SEMA5A: variants seen among roughly 807,000 people sequenced by gnomAD.
SEMA5A encodes semaphorin 5A.
SEMA5A carries 55 observed loss-of-function variants against 135.5 expected under a neutral mutation model. The ratio of observed to expected loss-of-function variants is 0.41; its 90% CI spans 0.33 to 0.51. The LOEUF (loss-of-function observed/expected upper bound fraction) is 0.51, where lower values mean the gene tolerates loss of function less well. SEMA5A is among the 20% of genes least tolerant of loss of function. SEMA5A has a pLI of 0.37. For missense variants in SEMA5A, 1,290 were observed against 1,419.9 expected (o/e 0.91, Z 1.47); for synonymous variants, 580 against 546.5 (o/e 1.06, Z -0.85).
intron 5 of SEMA5A, among the ~76,000 whole-genome samples, chr5:9,267,767 G>T (rs1422170812): frequency 1.3e-5 from 2 of 152,084 alleles, no homozygotes; most frequent in African/African-American, 4.8e-5. Context: ...CTCTGGCCGG[G>T]GTGGGCATGG....
At chr5:9,348,062 A>G (rs1284315421) in intron 3 of SEMA5A, among the ~76,000 whole-genome samples, 1 of 152,082 alleles carries the variant, frequency 6.6e-6, no homozygotes, top group East Asian at 1.9e-4. Context: ...GGGTCTGGCT[A>G]CTCCAGCCCA....
At chr5:9,126,398 G>A (rs1741113301) in intron 13 of SEMA5A, among the ~76,000 whole-genome samples, 2 of 152,142 alleles carry the variant, frequency 1.3e-5, no homozygotes, top group African/African-American at 4.8e-5. Context: ...TCAGACCCTT[G>A]AGGCAGAGAG....
Position 9,269,873 on chromosome 5 carries a change from C to G in SEMA5A, c.271-31983G>C, listed in dbSNP as rs987650069. 3.3e-5 allele frequency among the ~76,000 whole-genome samples: 5 copies of G among 152,190 alleles called. No homozygotes were observed. The East Asian group carries it at 9.6e-4, about 29-fold the overall frequency. On this transcript the variant is annotated intron_variant, in intron 5 of 22. Coordinates refer to ENST00000382496, the MANE Select transcript of SEMA5A (RefSeq NM_003966.3). The stretch of plus-strand genomic sequence containing the variant: ...AATTCCGTATGACAATGAACTCCAT[C>G]CAGTCCCCTTTTTACAGCTGCACAG...
rs189638682 is a variant in SEMA5A, at chr5:9,229,133, A to C, written c.334-2166T>G. On this transcript the variant is annotated intron_variant, in intron 6 of 22. Coordinates refer to ENST00000382496, the MANE Select transcript of SEMA5A (RefSeq NM_003966.3). ...TAAAGTGAAATACCAAGGGTGGATT[A>C]TCCTCCTAACATTATTCCTAACAGT... 1.0e-2 allele frequency among the ~76,000 whole-genome samples: 1,522 copies of C among 152,328 alleles called. 14 individuals carry two copies. Among genetic ancestry groups the C allele is most frequent in the Non-Finnish European group, 0.015 (1,045 of 68,040 alleles).
chr5:9,353,317 A>T (rs11740686), intron 3 of SEMA5A, among the ~76,000 whole-genome samples: 1 of 53,470 alleles, frequency 1.9e-5, no homozygotes. Context: ...GGGAAGGGAA[A>T]GGAAGGAAAG....
At chr5:9,267,632 A>T (rs1435761067) in intron 5 of SEMA5A, among the ~76,000 whole-genome samples, 1 of 152,146 alleles carries the variant, frequency 6.6e-6, no homozygotes, top group African/African-American at 2.4e-5. Flanking sequence ...AAGGCATCTG[A>T]TTCCTCTGAC....
intron 1 of SEMA5A, among the ~76,000 whole-genome samples, chr5:9,476,943 T>C (rs551297924): frequency 3.3e-5 from 5 of 151,364 alleles, no homozygotes; most frequent in African/African-American, 7.3e-5. Flanking sequence ...TAGCCATGCA[T>C]GGTAATATGA....
chr5:9,256,310 G>A (rs111582131), intron 5 of SEMA5A, among the ~76,000 whole-genome samples: 3 of 152,044 alleles, frequency 2.0e-5, no homozygotes, highest in East Asian at 1.9e-4. Flanking sequence ...CTCTGACCCC[G>A]TGTGTCACCA....
At chr5:9,250,054 G>C (rs1479820260) in intron 5 of SEMA5A, among the ~76,000 whole-genome samples, 1 of 152,154 alleles carries the variant, frequency 6.6e-6, no homozygotes, top group East Asian at 1.9e-4. Flanking sequence ...ATATTGGCAT[G>C]GTGAGAGACA....
chr5:9,385,616 T>A (rs1755851088), intron 2 of SEMA5A, among the ~76,000 whole-genome samples: 1 of 152,068 alleles, frequency 6.6e-6, no homozygotes, highest in Admixed American at 6.6e-5. Flanking sequence ...CCTAGTGAGG[T>A]GGCCTCAGAG....
At chr5:9,484,210 G>C (rs988377314) in intron 1 of SEMA5A, among the ~76,000 whole-genome samples, 2 of 152,220 alleles carry the variant, frequency 1.3e-5, no homozygotes, top group Admixed American at 1.3e-4. Flanking sequence ...TTAGGGCAAA[G>C]TACGTGCTCT....
intron 13 of SEMA5A, among the ~76,000 whole-genome samples, chr5:9,126,445 G>C (rs1007075531): frequency 6.6e-6 from 1 of 151,918 alleles, no homozygotes; most frequent in South Asian, 2.1e-4. Context: ...GGCTCTCTGG[G>C]ACATCTGTTC....
chr5:9,143,060 C>A (rs1196135160), intron 12 of SEMA5A, among the ~76,000 whole-genome samples: 1 of 152,190 alleles, frequency 6.6e-6, no homozygotes, highest in Non-Finnish European at 1.5e-5. Context: ...ATTGGTAAAT[C>A]CAACTAGAAC....
At chr5:9,363,934 G>A (rs993699897) in intron 3 of SEMA5A, among the ~76,000 whole-genome samples, 23 of 152,222 alleles carry the variant, frequency 1.5e-4, no homozygotes, top group African/African-American at 5.3e-4. Context: ...AAGTAGGCAG[G>A]CGATGAGGCA....
Position 9,407,252 on chromosome 5 carries a change from TAAAG to T in SEMA5A, c.-77-27233_-77-27230del, listed in dbSNP as rs540182511. 3.5e-3 allele frequency among the ~76,000 whole-genome samples: 530 copies of T among 152,314 alleles called. 6 individuals are homozygous for T. The highest frequency in any genetic ancestry group is 0.012 in the African/African-American group (505 of 41,568). ...GAGTATGTAACAAGTAGACTAAACA[TAAAG>T]AGAGAATATCGTGATTTTATTTTCC... On this transcript the variant is annotated intron_variant, in intron 2 of 22. Transcript: ENST00000382496.
At chr5:9,384,661 T>TAGATAGATACATAGATAG in intron 2 of SEMA5A, among the ~76,000 whole-genome samples, 1 of 66,526 alleles carries the variant, frequency 1.5e-5, no homozygotes. Flanking sequence ...GATAGATAGA[T>TAGATAGATACATAGATAG]ATAGATAGAT....
intron 13 of SEMA5A, among the ~76,000 whole-genome samples, chr5:9,126,869 G>C (rs1741143890): frequency 6.6e-6 from 1 of 152,168 alleles, no homozygotes; most frequent in Non-Finnish European, 1.5e-5. Flanking sequence ...CTATAGGGGT[G>C]AGTTAGAGAA....
intron 1 of SEMA5A, among the ~76,000 whole-genome samples, chr5:9,454,543 C>T (rs1758760760): frequency 6.6e-6 from 1 of 152,220 alleles, no homozygotes; most frequent in African/African-American, 2.4e-5. Context: ...ACAGCCAGTG[C>T]TGTTTTTTTC....
chr5:9,468,440 A>G (rs938170925), intron 1 of SEMA5A, among the ~76,000 whole-genome samples: 1 of 152,182 alleles, frequency 6.6e-6, no homozygotes, highest in Non-Finnish European at 1.5e-5. Flanking sequence ...TGCGAACTAA[A>G]CAGTCCTTAG....
Sources: allele counts gnomAD v4.1 joint callset (sites outside exome capture counted in the v4.1 genomes callset), GRCh38; gene constraint gnomAD v4.1.1; transcripts MANE v1.5; gene names NCBI Gene and HGNC (gene_info 2026-07-23, HGNC 2026-07-21).